The following TAS2R1 variants were observed in gnomAD, a reference collection of about 807,000 sequenced individuals.
TAS2R1 encodes the protein taste 2 receptor member 1, also known as taste receptor type 2 member 1.
For synonymous variants in TAS2R1, 141 were observed against 134.2 expected, an observed-to-expected ratio of 1.05 and a Z score of -0.35; for missense variants, 370 against 353.4, an observed-to-expected ratio of 1.05 and a Z score of -0.38.
intron 2 of TAS2R1, among the ~76,000 whole-genome samples, chr5:9,646,043 T>C (rs1432176962): frequency 6.6e-6 from 1 of 152,154 alleles, no homozygotes; most frequent in Non-Finnish European, 1.5e-5. Context: ...AGTTAGTAAC[T>C]GGAACCAGAC....
At chr5:9,720,481 T>C in the TAS2R1 span, among the ~76,000 whole-genome samples, 1 of 152,324 alleles carries the variant, frequency 6.6e-6, no homozygotes, top group South Asian at 2.1e-4. Flanking sequence ...CCCACTGTCA[T>C]TTCAACCCAC....
chr5:9,870,486 C>G, the TAS2R1 span, among the ~76,000 whole-genome samples: 24 of 152,270 alleles, frequency 1.6e-4, no homozygotes, highest in South Asian at 5.0e-3. Flanking sequence ...TGGTATGTCT[C>G]CTCCCTGTCT....
At chr5:9,829,782 T>C in the TAS2R1 span, among the ~76,000 whole-genome samples, 1 of 150,404 alleles carries the variant, frequency 6.6e-6, no homozygotes, top group Non-Finnish European at 1.5e-5. Flanking sequence ...CCTCCAGAGA[T>C]CAAGACAGAG....
chr5:9,759,880 C>A, the TAS2R1 span, among the ~76,000 whole-genome samples: 1 of 152,078 alleles, frequency 6.6e-6, no homozygotes, highest in African/African-American at 2.4e-5. Context: ...TTTCTTCTTT[C>A]TTAGAAGTGG....
the TAS2R1 span, among the ~76,000 whole-genome samples, chr5:9,721,044 G>A: frequency 2.2e-4 from 34 of 152,184 alleles, no homozygotes; most frequent in Non-Finnish European, 4.1e-4. Context: ...TGCGAGACGC[G>A]AGGTTTCCCT....
the TAS2R1 span, among the ~76,000 whole-genome samples, chr5:9,843,988 C>T: frequency 2.6e-5 from 4 of 152,228 alleles, no homozygotes; most frequent in African/African-American, 9.6e-5. Context: ...ACTTCCTCAA[C>T]ATGCCTGCCC....
chr5:9,844,024 T>C, the TAS2R1 span, among the ~76,000 whole-genome samples: 1 of 152,186 alleles, frequency 6.6e-6, no homozygotes, highest in Non-Finnish European at 1.5e-5. Context: ...CAAGGATAAT[T>C]TCTTGCTCTA....
chr5:9,897,398 G>T, the TAS2R1 span, among the ~76,000 whole-genome samples: 2 of 152,170 alleles, frequency 1.3e-5, no homozygotes, highest in African/African-American at 4.8e-5. Flanking sequence ...GCAGTGAGCC[G>T]AGATCACGCC....
chr5:9,848,407 G>A, the TAS2R1 span, among the ~76,000 whole-genome samples: 2 of 152,100 alleles, frequency 1.3e-5, no homozygotes, highest in Non-Finnish European at 2.9e-5. Context: ...ATGGGAACTC[G>A]GGTCTCCTTA....
At chr5:9,751,846 C>T in the TAS2R1 span, among the ~76,000 whole-genome samples, 1 of 152,206 alleles carries the variant, frequency 6.6e-6, no homozygotes. Context: ...GTACCTAAAC[C>T]ACCTGCTCTC....
At chr5:9,736,533 C>T in the TAS2R1 span, among the ~76,000 whole-genome samples, 11 of 152,324 alleles carry the variant, frequency 7.2e-5, no homozygotes, top group South Asian at 2.3e-3. Flanking sequence ...CCCAGAGTTT[C>T]TCAATGGCAC....
At chr5:9,896,036 T>G in the TAS2R1 span, among the ~76,000 whole-genome samples, 3 of 152,198 alleles carry the variant, frequency 2.0e-5, no homozygotes, top group African/African-American at 7.2e-5. Context: ...AGTGTGAAAT[T>G]AAAGCTATCC....
chr5:9,861,395 G>T, the TAS2R1 span, among the ~76,000 whole-genome samples: 1 of 152,100 alleles, frequency 6.6e-6, no homozygotes, highest in Non-Finnish European at 1.5e-5. Flanking sequence ...CAATTATTTT[G>T]TCTGTTTGGA....
the TAS2R1 span, among the ~76,000 whole-genome samples, chr5:9,738,870 T>C: frequency 1.3e-5 from 2 of 152,148 alleles, no homozygotes; most frequent in East Asian, 3.9e-4. Flanking sequence ...CATACACATA[T>C]GTTAAGGCTT....
chr5:9,785,789 G>A, the TAS2R1 span, among the ~76,000 whole-genome samples: 1 of 152,128 alleles, frequency 6.6e-6, no homozygotes, highest in African/African-American at 2.4e-5. Flanking sequence ...TGGGCAGACT[G>A]AGGACTCAAA....
At chr5:9,633,319 T>TATATATACAC (rs1475834697), upstream of TAS2R1, among the ~76,000 whole-genome samples, 14 of 137,526 alleles carry the variant, frequency 1.0e-4, 1 homozygote, top group African/African-American at 3.2e-4. Flanking sequence ...TATATATATA[T>TATATATACAC]ACACAAATGT....
chr5:9,854,721 T>G, the TAS2R1 span, among the ~76,000 whole-genome samples: 3 of 152,162 alleles, frequency 2.0e-5, no homozygotes, highest in African/African-American at 7.2e-5. Flanking sequence ...TTGACATAAA[T>G]GTACAAAAAA....
the TAS2R1 span, among the ~76,000 whole-genome samples, chr5:9,737,932 C>T: frequency 6.6e-6 from 1 of 152,158 alleles, no homozygotes; most frequent in Non-Finnish European, 1.5e-5. Flanking sequence ...GTTGTTCTGT[C>T]TGCTGTGATG....
At chr5:9,838,007 T>C in the TAS2R1 span, among the ~76,000 whole-genome samples, 9 of 152,320 alleles carry the variant, frequency 5.9e-5, no homozygotes, top group East Asian at 3.9e-4. Flanking sequence ...GCTTCCTCAG[T>C]TGGATCACAT....
Sources: gnomAD v4.1 joint callset for allele counts (sites outside exome capture counted in the v4.1 genomes callset) on GRCh38, gnomAD v4.1.1 for gene constraint, MANE v1.5 for transcripts, NCBI Gene and HGNC (gene_info 2026-07-23, HGNC 2026-07-21) for gene names.